The following IBTK variants were observed in gnomAD, a reference collection of about 807,000 sequenced individuals.
IBTK encodes BTK-binding protein.
A neutral mutation model predicts 154.9 loss-of-function variants in IBTK; 83 were observed. The ratio of observed to expected loss-of-function variants is 0.54; its 90% CI spans 0.45 to 0.64. The LOEUF (loss-of-function observed/expected upper bound fraction) is 0.64. IBTK is among the 30% of genes least tolerant of loss of function. The probability of loss-of-function intolerance (pLI) is 0.00; values close to 1 mark genes in which losing one functional copy is unlikely to be tolerated. For synonymous variants in IBTK, 515 were observed against 536.1 expected, an observed-to-expected ratio of 0.96 and a Z score of 0.54; for missense variants, 1,332 against 1,584.6, an observed-to-expected ratio of 0.84 and a Z score of 2.71.
chr6:82,191,026 AGC>A, intron 25 of IBTK, 45 bp downstream of exon 25: 1 of 1,383,726 alleles, frequency 7.2e-7, no homozygotes, highest in Non-Finnish European at 9.5e-7. Context: ...CTACCTTAAA[AGC>A]AAATGCACAA....
At position 82,245,497 on chromosome 6, in the gene IBTK, C is replaced by T. The variant is rs138973284; in HGVS notation, c.-358+2065G>A. 2.0e-3 allele frequency among the ~76,000 whole-genome samples: 303 copies of T among 152,138 alleles called. 1 individual carries two copies. The highest frequency in any genetic ancestry group is 3.9e-3 in the Non-Finnish European group (267 of 68,020). ...ACTTAAAACTGGTCAGTCAAGGCTG[C>T]AGAGAGCCAAGATCATGCAACTGCA... On this transcript the variant is annotated intron_variant, in intron 1 of 28. Transcript: ENST00000306270.
chr6:82,224,298 T>G, intron 6 of IBTK, 113 bp from the exon 7 acceptor site: 1 of 734,746 alleles, frequency 1.4e-6, no homozygotes, highest in South Asian at 1.6e-5. Flanking sequence ...AGTGGTCCAC[T>G]CAAGTGCAAT....
intron 23 of IBTK, among the ~76,000 whole-genome samples, chr6:82,192,856 T>G (rs183068709): frequency 6.6e-6 from 1 of 152,056 alleles, no homozygotes; most frequent in East Asian, 1.9e-4. Flanking sequence ...TCCCAGCACT[T>G]TGGGAGGCCG....
At chr6:82,220,507 T>C (rs769067956) in intron 9 of IBTK, 83 bp downstream of exon 9, 108 of 1,364,814 alleles carry the variant, frequency 7.9e-5, no homozygotes, top group Middle Eastern at 1.9e-4. Flanking sequence ...GTCACTAACA[T>C]AGCAATACAT....
rs547500359 is a variant in IBTK at position 82,185,190 on chromosome 6, A to G, written c.3576-3162T>C. 3.4e-3 allele frequency among the ~76,000 whole-genome samples: 513 copies of G among 151,272 alleles called. 3 individuals are homozygous for G. The highest frequency in any genetic ancestry group is 0.015 in the South Asian group (71 of 4,774). The stretch of plus-strand genomic sequence containing the variant: ...AGAGCAAAACTCTGTCTCAGAAAAA[A>G]AAAAAAAAAAAAAAAACAGATAAAT... On this transcript the variant is annotated intron_variant, in intron 25 of 28. Transcript: ENST00000306270.
chr6:82,217,935 CG>C (rs1769931392), intron 10 of IBTK, 24 bp downstream of exon 10: 1 of 1,441,306 alleles, frequency 6.9e-7, no homozygotes, highest in Non-Finnish European at 9.3e-7. Context: ...GGTACTTTTA[CG>C]TATTGTTCAA....
chr6:82,245,365 C>A (rs547858882), intron 1 of IBTK, among the ~76,000 whole-genome samples: 1 of 152,112 alleles, frequency 6.6e-6, no homozygotes, highest in East Asian at 1.9e-4. Flanking sequence ...TTGAAATCAG[C>A]CTGGGCAACA....
rs1245754555 is a variant in IBTK, at chr6:82,197,835, T to A, written c.3026-1389A>T. ...AAACAGTTTTGCTGAATGCCGTTTG[T>A]CTAACTTTAAGATCGACACAGATGT... is the stretch of plus-strand genomic sequence containing the variant. On this transcript the variant is annotated intron_variant, in intron 21 of 28. Coordinates refer to ENST00000306270, the MANE Select transcript of IBTK (RefSeq NM_015525.4). Among the ~76,000 whole-genome samples the A allele has an allele frequency of 3.9e-4, 59 of 152,238 alleles. 1 individual carries two copies. The highest frequency in any genetic ancestry group is 3.9e-3 in the Admixed American group (59 of 15,286).
rs112631569 is a variant in IBTK, at chr6:82,208,432, A to G, written c.2509+2382T>C. Among the ~76,000 whole-genome samples the G allele has an allele frequency of 2.2e-3, 334 of 152,254 alleles. 3 individuals carry two copies. The highest frequency in any genetic ancestry group is 7.4e-3 in the African/African-American group (309 of 41,560). Reference sequence around the variant, plus strand: ...ACAACGAATTCCTAGATATGACACCAAAAACACAAGTAACAAGTCAACATA... The same window carrying G: ...ACAACGAATTCCTAGATATGACACCGAAAACACAAGTAACAAGTCAACATA... On this transcript the variant is annotated intron_variant, in intron 16 of 28. Coordinates refer to ENST00000306270, the MANE Select transcript of IBTK (RefSeq NM_015525.4).
At chr6:82,227,581 T>C (rs918543191) in intron 4 of IBTK, among the ~76,000 whole-genome samples, 6 of 152,082 alleles carry the variant, frequency 3.9e-5, no homozygotes, top group Non-Finnish European at 8.8e-5. Context: ...AAGGAAAATA[T>C]AATTTTAAAC....
In IBTK at chr6:82,181,771, T is replaced by C. The variant is rs993899148; in HGVS notation, c.3725+108A>G. On this transcript the variant is annotated intron_variant, in intron 26 of 28. Transcript: ENST00000306270. Reference sequence around the variant, plus strand: ...AATTTTAATTCTGAATGTAAAAGAGTGTACAAAAAATCTGCCTCATAAAGT... The same window carrying C: ...AATTTTAATTCTGAATGTAAAAGAGCGTACAAAAAATCTGCCTCATAAAGT... 63 of 696,592 alleles carry C rather than the reference T, an allele frequency of 9.0e-5. No individual in the cohort carries two copies. In the African/African-American group the frequency reaches 9.2e-4, roughly 10 times the overall value. The allele number at this position is 696,592 out of a possible 1,614,324, so 43.2% of individuals were successfully genotyped here. A position where few individuals can be genotyped will look rare whatever the true frequency, so the allele number is the denominator to read the frequency against.
chr6:82,209,618 A>G (rs1324566551), intron 16 of IBTK, among the ~76,000 whole-genome samples: 1 of 152,208 alleles, frequency 6.6e-6, no homozygotes, highest in African/African-American at 2.4e-5. Context: ...TGGGGTGATG[A>G]AAATGTTCTA....
Position 82,200,182 on chromosome 6 carries a change from C to A in IBTK, c.2984G>T (p.Gly995Val). The change falls in exon 21 of 29, where the codon GGT (glycine) becomes GTT (valine). Residue 995 changes from glycine to valine, a missense_variant. Gly to Val is a moderately radical substitution (Grantham distance 109). This residue lies in a region of IBTK where 1,134 missense variants were observed against 1,274.7 expected (regional missense o/e 0.89). Coordinates refer to ENST00000306270, the MANE Select transcript of IBTK (RefSeq NM_015525.4). ...CTGAATAATATCTGAAAGGTTATAA[C>A]CTCCAGAACTATCTGAACGTTTACG... ...KPRKRSDSSG[G>V]YNLSDIIQSP... 3 of 1,613,278 alleles carry A rather than the reference C, an allele frequency of 1.9e-6. No individual in the cohort carries two copies. The highest frequency in any genetic ancestry group is 1.3e-5 in the African/African-American group (1 of 74,986).
rs766497225 is a variant in IBTK, at chr6:82,234,170, A to T, written c.407T>A (p.Phe136Tyr). 1 of 1,580,974 alleles carries T rather than the reference A, an allele frequency of 6.3e-7. No homozygotes were observed. Among genetic ancestry groups the T allele is most frequent in the Non-Finnish European group, 8.7e-7 (1 of 1,154,292 alleles). The change falls in exon 3 of 29, where the codon TTC becomes TAC. Residue 136 changes from phenylalanine (F) to tyrosine (Y), a missense_variant. Around this residue, in one of 3 missense-constraint regions of IBTK, gnomAD observed 114 missense variants for 213.7 expected, o/e 0.53. Transcript: ENST00000306270. ...TGAAATTTTCTTACCAGTATTCTTG[A>T]ATACTACATGAGTTGGTCTATCCTT... Reference protein sequence around the residue: ...VMKDRPTHVVFKNTDPTDVYT... With the variant: ...VMKDRPTHVVYKNTDPTDVYT...
At chr6:82,213,953 G>GT (rs1445904153) in intron 12 of IBTK, among the ~76,000 whole-genome samples, 1 of 116,640 alleles carries the variant, frequency 8.6e-6, no homozygotes, top group East Asian at 4.5e-4. Context: ...CAAAAAGGGT[G>GT]GGATTTTTTT....
chr6:82,232,546 C>G (rs1770547803), intron 3 of IBTK, among the ~76,000 whole-genome samples: 1 of 152,180 alleles, frequency 6.6e-6, no homozygotes, highest in African/African-American at 2.4e-5. Flanking sequence ...ACCTGCAATG[C>G]AGTATCCAGG....
chr6:82,225,192 C>A (rs1770248152), intron 6 of IBTK, among the ~76,000 whole-genome samples: 1 of 151,556 alleles, frequency 6.6e-6, no homozygotes, highest in Non-Finnish European at 1.5e-5. Flanking sequence ...TGCCTGTAAT[C>A]CCAGCTACTC....
At chr6:82,210,333 T>C (rs1380889573) in intron 16 of IBTK, 1 of 151,924 alleles carries the variant, frequency 6.6e-6, no homozygotes, top group Non-Finnish European at 1.5e-5. Context: ...ATTCCTTTTT[T>C]TTTTTTTTTA....
chr6:82,233,138 C>T (rs1280649122), intron 3 of IBTK, among the ~76,000 whole-genome samples: 1 of 114,912 alleles, frequency 8.7e-6, no homozygotes, highest in Non-Finnish European at 1.7e-5. Context: ...GCCTGGGCAA[C>T]AAGAGCGAAA....
Sources: allele counts gnomAD v4.1 joint callset (sites outside exome capture counted in the v4.1 genomes callset), GRCh38; gene constraint gnomAD v4.1.1; regional missense constraint gnomAD v4.1.1; transcripts MANE v1.5; gene names NCBI Gene and HGNC (gene_info 2026-07-23, HGNC 2026-07-21).